Variants in TENM3 observed in about 807,000 individuals in gnomAD.
TENM3 encodes teneurin transmembrane protein 3, also known as teneurin-3.
In TENM3, 63 loss-of-function variants were observed where a neutral mutation model predicts 255.1. The observed-to-expected ratio is 0.25, with a 90% CI of 0.20 to 0.30. TENM3 has a LOEUF of 0.30. TENM3 is among the 10% of genes least tolerant of loss of function. The pLI, the probability that TENM3 is intolerant of heterozygous loss-of-function variation, is 1.00. For missense variants in TENM3, 2,929 were observed against 3,461.1 expected, an observed-to-expected ratio of 0.85 and a Z score of 3.86; for synonymous variants, 1,306 against 1,322.3, an observed-to-expected ratio of 0.99 and a Z score of 0.27.
chr4:182,760,087 C>G (rs1272521714), intron 22 of TENM3, among the ~76,000 whole-genome samples: 1 of 152,166 alleles, frequency 6.6e-6, no homozygotes, highest in African/African-American at 2.4e-5. Context: ...ACCTCCTCTT[C>G]CATTGACTTG....
intron 2 of TENM3, among the ~76,000 whole-genome samples, chr4:182,335,494 C>CAAAAAAAAAAAAAAA (rs372965020): frequency 7.6e-5 from 4 of 52,398 alleles, no homozygotes; most frequent in African/African-American, 2.7e-4. Context: ...GACTCCGCCT[C>CAAAAAAAAAAAAAAA]AAAAAAAAAA....
In TENM3 at chr4:182,488,754, T is replaced by A. The variant is rs148010062; in HGVS notation, c.512-112170T>A. ...GAAGGTTTTCATTTTAGTTGAGGGA[T>A]CTAGAATGAAGACTATATAAAATTA... On this transcript the variant is annotated intron_variant, in intron 3 of 27. Coordinates refer to ENST00000511685, the MANE Select transcript of TENM3 (RefSeq NM_001080477.4). 2.0e-4 allele frequency among the ~76,000 whole-genome samples: 31 copies of A among 152,216 alleles called. No individual in the cohort carries two copies. In the East Asian group the frequency reaches 6.0e-3, roughly 29 times the overall value.
In TENM3 at chr4:182,324,149, C is replaced by G. The variant is rs1216186634; in HGVS notation, c.129C>G (p.Ser43=). 3 of 1,613,992 alleles carry G rather than the reference C, an allele frequency of 1.9e-6. No homozygotes were observed. The South Asian group carries it at 3.3e-5, about 18-fold the overall frequency. The part of the protein sequence containing the change: ...CRVPTQKSYS[S]SETLKAFDHD... The stretch of plus-strand genomic sequence containing the variant: ...TACCCACACAGAAGTCCTACAGTTC[C>G]AGCGAGACATTGAAAGCTTTTGATC... The change falls in exon 2 of 28, where the codon TCC becomes TCG. Residue 43 remains serine, a synonymous_variant. Coordinates refer to ENST00000511685, the MANE Select transcript of TENM3 (RefSeq NM_001080477.4).
chr4:182,557,495 T>C (rs769538673), intron 3 of TENM3, among the ~76,000 whole-genome samples: 1 of 152,230 alleles, frequency 6.6e-6, no homozygotes, highest in Non-Finnish European at 1.5e-5. Context: ...GGGGCCTTAT[T>C]TGAGCTAACA....
At chr4:182,336,101 G>T (rs1031609085) in intron 2 of TENM3, among the ~76,000 whole-genome samples, 1 of 152,148 alleles carries the variant, frequency 6.6e-6, no homozygotes, top group Admixed American at 6.5e-5. Context: ...CTGTAGGCGG[G>T]ATCTTCCTCA....
At chr4:181,802,157 C>T in the TENM3 span, among the ~76,000 whole-genome samples, 1 of 152,150 alleles carries the variant, frequency 6.6e-6, no homozygotes, top group Non-Finnish European at 1.5e-5. Context: ...CAAGGCACAG[C>T]TTCATCCCAC....
the TENM3 span, among the ~76,000 whole-genome samples, chr4:181,492,059 T>A: frequency 6.6e-6 from 1 of 152,198 alleles, no homozygotes; most frequent in Admixed American, 6.5e-5. Context: ...TTTTGTCATT[T>A]TATTAGCATT....
chr4:182,767,199 T>A (rs1763789211), intron 22 of TENM3, among the ~76,000 whole-genome samples: 1 of 152,200 alleles, frequency 6.6e-6, no homozygotes, highest in African/African-American at 2.4e-5. Flanking sequence ...ATAGGTTCCT[T>A]CTCAGAAGAC....
At chr4:181,764,863 A>G in the TENM3 span, among the ~76,000 whole-genome samples, 1 of 151,622 alleles carries the variant, frequency 6.6e-6, no homozygotes, top group Non-Finnish European at 1.5e-5. Flanking sequence ...ACTAATTTTT[A>G]TTTTTATGTT....
chr4:182,722,950 T>G lies in TENM3; in HGVS notation c.2369-6015T>G, dbSNP rs77154001. 5.4e-3 allele frequency among the ~76,000 whole-genome samples: 829 copies of G among 152,342 alleles called. 8 individuals are homozygous for G. Among genetic ancestry groups the G allele is most frequent in the African/African-American group, 0.019 (802 of 41,582 alleles). On this transcript the variant is annotated intron_variant, in intron 13 of 27. Coordinates refer to ENST00000511685, the MANE Select transcript of TENM3 (RefSeq NM_001080477.4). ...GAGGAGTCCAGGATAACGTTCAGGT[T>G]TCTATGAGAAGCTGAGCGGGGTGGA...
At chr4:182,235,282 T>C (rs1756824751) in intron 1 of TENM3, among the ~76,000 whole-genome samples, 1 of 152,136 alleles carries the variant, frequency 6.6e-6, no homozygotes, top group African/African-American at 2.4e-5. Flanking sequence ...AAAATATTAA[T>C]AGGTTAAAAA....
intron 2 of TENM3, among the ~76,000 whole-genome samples, chr4:182,331,693 GA>G (rs1763766508): frequency 6.6e-6 from 1 of 152,104 alleles, no homozygotes; most frequent in African/African-American, 2.4e-5. Flanking sequence ...CAAACAAAAA[GA>G]AAGGAGGAAT....
the TENM3 span, among the ~76,000 whole-genome samples, chr4:181,966,441 C>T: frequency 6.6e-6 from 1 of 152,118 alleles, no homozygotes; most frequent in Admixed American, 6.5e-5. Flanking sequence ...TCTCAGAAGG[C>T]CACAGCTAAT....
chr4:182,130,505 A>C, the TENM3 span, among the ~76,000 whole-genome samples: 32 of 152,326 alleles, frequency 2.1e-4, no homozygotes, highest in African/African-American at 7.2e-4. Flanking sequence ...AAGGCTTCAC[A>C]TCAAACCCCA....
intron 22 of TENM3, 154 bp downstream of exon 22, chr4:182,755,413 A>T: frequency 2.9e-6 from 2 of 699,706 alleles, no homozygotes; most frequent in Non-Finnish European, 4.5e-6. Flanking sequence ...ACGGTGGCTC[A>T]TTCCCGTAGT....
At chr4:181,469,118 A>C in the TENM3 span, among the ~76,000 whole-genome samples, 1 of 152,140 alleles carries the variant, frequency 6.6e-6, no homozygotes, top group East Asian at 1.9e-4. Context: ...GTCAATTGTC[A>C]TGGGTATATT....
chr4:181,661,254 C>T, the TENM3 span, among the ~76,000 whole-genome samples: 45 of 152,270 alleles, frequency 3.0e-4, no homozygotes, highest in Admixed American at 9.2e-4. Flanking sequence ...CACATGCTCA[C>T]GAGCTGACTA....
At chr4:181,990,251 A>C in the TENM3 span, among the ~76,000 whole-genome samples, 1 of 152,308 alleles carries the variant, frequency 6.6e-6, no homozygotes. Context: ...TTGGAAATAC[A>C]GCCATAAAAC....
the TENM3 span, among the ~76,000 whole-genome samples, chr4:182,021,021 G>T: frequency 6.6e-6 from 1 of 151,652 alleles, no homozygotes; most frequent in Non-Finnish European, 1.5e-5. Flanking sequence ...GCTGAGGTTG[G>T]GGCTTCTGTT....
Sources: gnomAD v4.1 joint callset for allele counts (sites outside exome capture counted in the v4.1 genomes callset) on GRCh38, gnomAD v4.1.1 for gene constraint, MANE v1.5 for transcripts, NCBI Gene and HGNC (gene_info 2026-07-23, HGNC 2026-07-21) for gene names.